Variants in NSMCE2 observed in about 807,000 individuals in gnomAD.
NSMCE2 encodes E3 SUMO-protein ligase NSE2.
NSMCE2 carries 24 observed loss-of-function variants against 23.8 expected under a neutral mutation model. The ratio of observed to expected loss-of-function variants is 1.01; its 90% confidence interval spans 0.73 to 1.42. The LOEUF (loss-of-function observed/expected upper bound fraction) is 1.42, where lower values mean the gene tolerates loss of function less well. Ranked by LOEUF, NSMCE2 falls within the 40% of genes most tolerant of loss-of-function variation. The probability of loss-of-function intolerance (pLI) is 0.00; values close to 1 mark genes in which losing one functional copy is unlikely to be tolerated. For synonymous variants in NSMCE2, 92 were observed against 94.1 expected, an observed-to-expected ratio of 0.98 and a Z score of 0.13; for missense variants, 284 against 296.5, an observed-to-expected ratio of 0.96 and a Z score of 0.31.
chr8:125,125,314 CTGCAG>C (rs1161765866), intron 3 of NSMCE2, among the ~76,000 whole-genome samples: 6 of 152,212 alleles, frequency 3.9e-5, no homozygotes, highest in Admixed American at 3.9e-4. Context: ...TCCCTTCCTC[CTGCAG>C]TGGCCTTCTA....
intron 5 of NSMCE2, among the ~76,000 whole-genome samples, chr8:125,200,439 GTT>G (rs1275669046): frequency 2.6e-5 from 4 of 152,154 alleles, no homozygotes; most frequent in Non-Finnish European, 5.9e-5. Context: ...ATGAAGCTTA[GTT>G]TGGCTGGATA....
At chr8:125,208,444 T>C (rs1824199681) in intron 5 of NSMCE2, among the ~76,000 whole-genome samples, 1 of 152,214 alleles carries the variant, frequency 6.6e-6, no homozygotes, top group Non-Finnish European at 1.5e-5. Flanking sequence ...GCTTATAGCA[T>C]GGGTAAAATT....
chr8:125,127,606 C>T (rs1253790766), intron 3 of NSMCE2, among the ~76,000 whole-genome samples: 1 of 152,138 alleles, frequency 6.6e-6, no homozygotes, highest in South Asian at 2.1e-4. Context: ...GGAATGGAGC[C>T]TTCCAGAGTT....
chr8:125,279,717 A>ATGGAAATAT (rs1314698920), intron 5 of NSMCE2, among the ~76,000 whole-genome samples: 4 of 152,224 alleles, frequency 2.6e-5, no homozygotes, highest in Non-Finnish European at 5.9e-5. Flanking sequence ...CTTGATTATT[A>ATGGAAATAT]GGAAATAAGC....
chr8:125,143,943 A>T (rs1820519185), intron 3 of NSMCE2, among the ~76,000 whole-genome samples: 1 of 152,160 alleles, frequency 6.6e-6, no homozygotes, highest in African/African-American at 2.4e-5. Context: ...CTGGAAAAGG[A>T]CCTTGTGGCT....
At chr8:125,227,958 G>A (rs1282022889) in intron 5 of NSMCE2, among the ~76,000 whole-genome samples, 1 of 152,090 alleles carries the variant, frequency 6.6e-6, no homozygotes, top group Non-Finnish European at 1.5e-5. Flanking sequence ...TTATGCATGT[G>A]CCATTGATTT....
intron 5 of NSMCE2, among the ~76,000 whole-genome samples, chr8:125,296,061 TA>T (rs962459470): frequency 1.1e-4 from 16 of 152,176 alleles, no homozygotes; most frequent in African/African-American, 2.9e-4. Context: ...CTTGATTAAT[TA>T]AAAAAAATAG....
In NSMCE2 at chr8:125,362,479, C is replaced by T. The variant is rs1013492454; in HGVS notation, c.627-4289C>T. Among the ~76,000 whole-genome samples, 6 of 152,158 alleles carry T rather than the reference C, an allele frequency of 3.9e-5. No individual in the cohort carries two copies. The East Asian group carries it at 5.8e-4, about 15-fold the overall frequency. ...CTCCTCTCCACGAGCTTCTTGAGAG[C>T]GGAAGCTGTGGACTAGGGCAGGGAC... On this transcript the variant is annotated intron_variant, in intron 7 of 7. Coordinates refer to ENST00000287437, the MANE Select transcript of NSMCE2 (RefSeq NM_173685.4).
intron 4 of NSMCE2, among the ~76,000 whole-genome samples, chr8:125,154,180 T>C (rs1029638125): frequency 3.9e-5 from 6 of 152,246 alleles, no homozygotes; most frequent in Non-Finnish European, 7.3e-5. Flanking sequence ...TCTTTCTGTT[T>C]ATGAATTTTC....
intron 7 of NSMCE2, among the ~76,000 whole-genome samples, chr8:125,361,630 C>T (rs1813557290): frequency 6.6e-6 from 1 of 152,186 alleles, no homozygotes; most frequent in Non-Finnish European, 1.5e-5. Flanking sequence ...GAATTCCATT[C>T]TAGGTCTGGA....
At chr8:125,115,048 G>A (rs1818933299) in intron 3 of NSMCE2, among the ~76,000 whole-genome samples, 1 of 152,166 alleles carries the variant, frequency 6.6e-6, no homozygotes. Context: ...TTCCCATACA[G>A]CCATCCTCAT....
At chr8:125,105,359 A>G (rs975357567) in intron 3 of NSMCE2, among the ~76,000 whole-genome samples, 2 of 152,176 alleles carry the variant, frequency 1.3e-5, no homozygotes, top group Non-Finnish European at 2.9e-5. Context: ...GTCATAATAA[A>G]ATCTTAAACC....
chr8:125,152,886 T>C (rs1202189969), intron 4 of NSMCE2, among the ~76,000 whole-genome samples: 4 of 151,658 alleles, frequency 2.6e-5, no homozygotes, highest in Non-Finnish European at 5.9e-5. Context: ...AGTGAAACCC[T>C]GTCTCTACTA....
intron 5 of NSMCE2, among the ~76,000 whole-genome samples, chr8:125,215,909 C>G (rs1164393527): frequency 6.6e-6 from 1 of 152,116 alleles, no homozygotes; most frequent in African/African-American, 2.4e-5. Flanking sequence ...ATAACGAGAC[C>G]CTGTCTCTAC....
chr8:125,285,795 G>A (rs1827870160), intron 5 of NSMCE2, among the ~76,000 whole-genome samples: 1 of 151,340 alleles, frequency 6.6e-6, no homozygotes, highest in African/African-American at 2.4e-5. Flanking sequence ...TATACACACA[G>A]TTGTATTTAA....
At chr8:125,216,896 G>A (rs760491086) in intron 5 of NSMCE2, among the ~76,000 whole-genome samples, 3 of 152,202 alleles carry the variant, frequency 2.0e-5, no homozygotes, top group Non-Finnish European at 4.4e-5. Flanking sequence ...ATTATTTATA[G>A]TCCCTTAGGC....
intron 5 of NSMCE2, among the ~76,000 whole-genome samples, chr8:125,246,405 A>C (rs1014180354): frequency 1.7e-4 from 26 of 152,112 alleles, no homozygotes; most frequent in African/African-American, 6.3e-4. Flanking sequence ...GCTGCTCTCG[A>C]TCTCCTGACC....
At chr8:125,318,580 T>G (rs2131259943) in intron 5 of NSMCE2, among the ~76,000 whole-genome samples, 1 of 152,318 alleles carries the variant, frequency 6.6e-6, no homozygotes, top group South Asian at 2.1e-4. Context: ...CAACATCTAT[T>G]GTATCAGCCA....
chr8:125,262,163 C>G (rs1826722360), intron 5 of NSMCE2, among the ~76,000 whole-genome samples: 1 of 151,820 alleles, frequency 6.6e-6, no homozygotes, highest in Non-Finnish European at 1.5e-5. Flanking sequence ...CGATGGCTCA[C>G]ACCTGTAATC....
Sources: gnomAD v4.1 joint callset for allele counts (sites outside exome capture counted in the v4.1 genomes callset) on GRCh38, gnomAD v4.1.1 for gene constraint, MANE v1.5 for transcripts, NCBI Gene and HGNC (gene_info 2026-07-23, HGNC 2026-07-21) for gene names.